The following CPQ variants were observed in gnomAD, a reference collection of about 807,000 sequenced individuals.
CPQ encodes Ser-Met dipeptidase.
A neutral mutation model predicts 45.7 loss-of-function variants in CPQ; 37 were observed. The observed-to-expected ratio is 0.81, with a 90% CI of 0.62 to 1.07. The LOEUF (loss-of-function observed/expected upper bound fraction) is 1.07. CPQ is among the 50% of genes least tolerant of loss of function. The probability of loss-of-function intolerance (pLI) is 0.00; values close to 1 mark genes in which losing one functional copy is unlikely to be tolerated. For synonymous variants in CPQ, 186 were observed against 205.8 expected, an observed-to-expected ratio of 0.90 and a Z score of 0.82; for missense variants, 537 against 572.9, an observed-to-expected ratio of 0.94 and a Z score of 0.64.
intron 3 of CPQ, among the ~76,000 whole-genome samples, chr8:96,870,574 C>T (rs1425025858): frequency 6.6e-6 from 1 of 151,994 alleles, no homozygotes; most frequent in Non-Finnish European, 1.5e-5. Flanking sequence ...TCTTTGTCAG[C>T]TTCTAGCTGT....
At chr8:96,739,865 C>A (rs1288218306) in intron 1 of CPQ, among the ~76,000 whole-genome samples, 1 of 151,914 alleles carries the variant, frequency 6.6e-6, no homozygotes, top group Admixed American at 6.6e-5. Context: ...GTTACTGTAG[C>A]CTAGTAGTAT....
intron 1 of CPQ, among the ~76,000 whole-genome samples, chr8:96,752,564 C>T (rs570727194): frequency 6.6e-6 from 1 of 152,270 alleles, no homozygotes; most frequent in East Asian, 1.9e-4. Flanking sequence ...AAGATCATGT[C>T]ATCTGCAAAC....
chr8:96,699,094 A>G (rs1480847563), intron 1 of CPQ, among the ~76,000 whole-genome samples: 1 of 152,208 alleles, frequency 6.6e-6, no homozygotes, highest in East Asian at 1.9e-4. Context: ...GTGTCCATCA[A>G]CAGATGAATG....
At chr8:96,884,850 C>A (rs1232569551) in intron 4 of CPQ, among the ~76,000 whole-genome samples, 1 of 152,300 alleles carries the variant, frequency 6.6e-6, no homozygotes, top group East Asian at 1.9e-4. Context: ...CACAACCTTG[C>A]TACTTTGCTC....
chr8:96,801,103 G>A (rs903731146), intron 2 of CPQ, among the ~76,000 whole-genome samples: 40 of 151,842 alleles, frequency 2.6e-4, no homozygotes, highest in Admixed American at 2.2e-3. Flanking sequence ...AGCCTCCCGA[G>A]TAGCTGGGAT....
chr8:96,969,386 C>T (rs906331488), intron 5 of CPQ, among the ~76,000 whole-genome samples: 3 of 151,918 alleles, frequency 2.0e-5, no homozygotes, highest in Admixed American at 6.5e-5. Flanking sequence ...AGAAATGGCC[C>T]TTTAAGTCCT....
chr8:97,045,198 C>T (rs1810219518), intron 6 of CPQ, among the ~76,000 whole-genome samples: 1 of 152,218 alleles, frequency 6.6e-6, no homozygotes, highest in Non-Finnish European at 1.5e-5. Context: ...ATGGTGGGCG[C>T]CCCTCCCCCA....
At chr8:97,015,303 A>G (rs1473586984) in intron 5 of CPQ, among the ~76,000 whole-genome samples, 2 of 152,150 alleles carry the variant, frequency 1.3e-5, no homozygotes, top group Admixed American at 1.3e-4. Context: ...GATAGAGAAA[A>G]AGAAATAGCA....
At chr8:96,693,561 T>C (rs1242154556) in intron 1 of CPQ, among the ~76,000 whole-genome samples, 1 of 152,096 alleles carries the variant, frequency 6.6e-6, no homozygotes, top group East Asian at 1.9e-4. Flanking sequence ...GCATGACATA[T>C]TAAAAGTGCC....
At chr8:96,925,392 T>TA (rs1347037360) in intron 4 of CPQ, among the ~76,000 whole-genome samples, 2 of 151,806 alleles carry the variant, frequency 1.3e-5, no homozygotes, top group Non-Finnish European at 2.9e-5. Flanking sequence ...TCTGCTTTTT[T>TA]TTTTTTTTTG....
chr8:96,867,473 C>A (rs533920506), intron 3 of CPQ, among the ~76,000 whole-genome samples: 8 of 152,032 alleles, frequency 5.3e-5, no homozygotes, highest in Admixed American at 4.6e-4. Flanking sequence ...AGCAATCAAA[C>A]TTAACAGCTT....
intron 7 of CPQ, among the ~76,000 whole-genome samples, chr8:97,118,528 G>A (rs1251978941): frequency 1.3e-5 from 2 of 152,306 alleles, no homozygotes; most frequent in Middle Eastern, 3.4e-3. Flanking sequence ...TAACCTGTTA[G>A]CTTCCTCTAT....
intron 2 of CPQ, among the ~76,000 whole-genome samples, chr8:96,834,336 T>C (rs1042036429): frequency 1.2e-4 from 19 of 152,230 alleles, no homozygotes; most frequent in African/African-American, 4.1e-4. Flanking sequence ...TGTTTGGTGA[T>C]GAACAAGTAC....
intron 3 of CPQ, among the ~76,000 whole-genome samples, chr8:96,861,673 A>G (rs974360846): frequency 6.6e-6 from 1 of 152,122 alleles, no homozygotes; most frequent in African/African-American, 2.4e-5. Context: ...GTTTAAATCC[A>G]TATTTATTTA....
At chr8:97,126,759 T>G (rs1811853881) in intron 7 of CPQ, among the ~76,000 whole-genome samples, 1 of 152,060 alleles carries the variant, frequency 6.6e-6, no homozygotes, top group Non-Finnish European at 1.5e-5. Flanking sequence ...GAAAAAAAAT[T>G]TGAGGACTTA....
chr8:96,777,373 G>A (rs1027305308), intron 1 of CPQ, among the ~76,000 whole-genome samples: 1 of 151,926 alleles, frequency 6.6e-6, no homozygotes, highest in Non-Finnish European at 1.5e-5. Context: ...TGCAACAGGA[G>A]ACACAACTTA....
intron 4 of CPQ, among the ~76,000 whole-genome samples, chr8:96,914,533 A>G (rs750797896): frequency 5.3e-5 from 8 of 152,186 alleles, no homozygotes; most frequent in Admixed American, 1.3e-4. Flanking sequence ...AATCTGAAAT[A>G]CAATTTTTTT....
At chr8:96,783,071 T>G (rs931316015) in intron 1 of CPQ, among the ~76,000 whole-genome samples, 3 of 152,220 alleles carry the variant, frequency 2.0e-5, no homozygotes, top group Non-Finnish European at 2.9e-5. Flanking sequence ...CTGGCTCATC[T>G]GCTCTTCTGA....
chr8:96,990,599 C>T (rs1293868411), intron 5 of CPQ, among the ~76,000 whole-genome samples: 2 of 152,224 alleles, frequency 1.3e-5, no homozygotes, highest in Non-Finnish European at 2.9e-5. Context: ...TTAGCACCTG[C>T]ACCAGCAGCC....
Sources: allele counts gnomAD v4.1 joint callset (sites outside exome capture counted in the v4.1 genomes callset), GRCh38; gene constraint gnomAD v4.1.1; transcripts MANE v1.5; gene names NCBI Gene and HGNC (gene_info 2026-07-23, HGNC 2026-07-21).